BCKDHB: variants seen among roughly 807,000 people sequenced by gnomAD.
BCKDHB encodes the protein branched chain keto acid dehydrogenase E1 subunit beta.
Under a neutral mutation model 48.5 loss-of-function variants are expected in BCKDHB, and 41 were observed. That is an observed-to-expected ratio of 0.85 (90% CI 0.66 to 1.10). BCKDHB has a LOEUF of 1.10. Among genes scored for constraint, BCKDHB ranks in the 50% least tolerant of loss-of-function variants. BCKDHB has a pLI of 0.00. For synonymous variants in BCKDHB, 201 were observed against 174.8 expected, an observed-to-expected ratio of 1.15 and a Z score of -1.18; for missense variants, 496 against 494.2, an observed-to-expected ratio of 1.00 and a Z score of -0.03.
At chr6:80,153,208 C>T (rs1035304957) in intron 3 of BCKDHB, among the ~76,000 whole-genome samples, 4 of 152,080 alleles carry the variant, frequency 2.6e-5, no homozygotes, top group African/African-American at 9.7e-5. Context: ...TGGTAAACCT[C>T]AGGATTTTTG....
the BCKDHB span, among the ~76,000 whole-genome samples, chr6:80,384,492 G>A: frequency 8.5e-5 from 13 of 152,104 alleles, no homozygotes; most frequent in Non-Finnish European, 2.9e-5. Context: ...ATGAGTAGGT[G>A]GGACTACAGG....
the BCKDHB span, among the ~76,000 whole-genome samples, chr6:80,452,529 A>G: frequency 1.3e-5 from 2 of 152,226 alleles, no homozygotes; most frequent in African/African-American, 4.8e-5. Flanking sequence ...TCACTAATGT[A>G]AAAATGCATA....
intron 9 of BCKDHB, among the ~76,000 whole-genome samples, chr6:80,276,630 C>T (rs574224669): frequency 1.5e-4 from 22 of 151,454 alleles, no homozygotes; most frequent in African/African-American, 4.3e-4. Flanking sequence ...GCTCTTTCAT[C>T]GTGCAAGGAA....
the BCKDHB span, among the ~76,000 whole-genome samples, chr6:80,461,829 T>C: frequency 6.6e-6 from 1 of 152,176 alleles, no homozygotes; most frequent in East Asian, 1.9e-4. Context: ...GTTGTCCTTA[T>C]GATGTAAATG....
chr6:80,258,027 T>C (rs1365135310), intron 8 of BCKDHB, among the ~76,000 whole-genome samples: 2 of 152,082 alleles, frequency 1.3e-5, no homozygotes, highest in Admixed American at 6.6e-5. Context: ...ATGAATTGTT[T>C]ATATATAAGA....
the BCKDHB span, chr6:80,465,713 T>C: frequency 2.6e-5 from 4 of 152,206 alleles, no homozygotes; most frequent in East Asian, 7.7e-4. Context: ...TAGCAAGAGT[T>C]TGAATAAAAT....
intron 9 of BCKDHB, among the ~76,000 whole-genome samples, chr6:80,300,051 GTCT>G (rs1431410442): frequency 6.6e-6 from 1 of 150,904 alleles, no homozygotes; most frequent in Non-Finnish European, 1.5e-5. Context: ...AGAGCCACTA[GTCT>G]TTTTTTTTTT....
the BCKDHB span, among the ~76,000 whole-genome samples, chr6:80,364,853 G>T: frequency 1.3e-5 from 2 of 152,244 alleles, no homozygotes; most frequent in East Asian, 1.9e-4. Flanking sequence ...TTCAACGGAG[G>T]TTCTTTATAT....
chr6:80,202,735 C>T (rs1479341690), intron 7 of BCKDHB, among the ~76,000 whole-genome samples: 3 of 129,438 alleles, frequency 2.3e-5, no homozygotes, highest in African/African-American at 8.5e-5. Flanking sequence ...TCTCTTTCTT[C>T]CTTCCTCTCC....
rs186649842 is a variant in BCKDHB at position 80,166,420 on chromosome 6, T to C, written c.344-1258T>C. On this transcript the variant is annotated intron_variant, in intron 3 of 9. Transcript: ENST00000320393. ...CCTGTAATCCCAGCACCGTGGGAGGTCGAGGCGGGTGGATCACCTGAGGTC... is the reference window on the plus strand; with the variant it reads ...CCTGTAATCCCAGCACCGTGGGAGGCCGAGGCGGGTGGATCACCTGAGGTC... Among the ~76,000 whole-genome samples the C allele has an allele frequency of 1.7e-3, 263 of 151,912 alleles. 1 individual carries two copies. Among genetic ancestry groups the C allele is most frequent in the African/African-American group, 6.0e-3 (249 of 41,444 alleles).
chr6:80,381,187 A>G, the BCKDHB span, among the ~76,000 whole-genome samples: 3 of 151,812 alleles, frequency 2.0e-5, no homozygotes, highest in Non-Finnish European at 4.4e-5. Context: ...ATTCACTGTT[A>G]TTCTCACATT....
chr6:80,402,599 T>C, the BCKDHB span, among the ~76,000 whole-genome samples: 63 of 151,976 alleles, frequency 4.1e-4, no homozygotes, highest in African/African-American at 1.4e-3. Context: ...GTGAAGAAGC[T>C]TTTTAGATGG....
At chr6:80,370,702 T>G in the BCKDHB span, among the ~76,000 whole-genome samples, 1 of 151,920 alleles carries the variant, frequency 6.6e-6, no homozygotes, top group Non-Finnish European at 1.5e-5. Flanking sequence ...TCCAATTCAT[T>G]CTGGGTTGCT....
At chr6:80,191,558 C>A (rs1044742285) in intron 6 of BCKDHB, among the ~76,000 whole-genome samples, 15 of 152,094 alleles carry the variant, frequency 9.9e-5, no homozygotes, top group Non-Finnish European at 1.0e-4. Flanking sequence ...CCCCTTCCCC[C>A]CCTCATGTTT....
chr6:80,149,482 G>A (rs1416881906), intron 3 of BCKDHB, among the ~76,000 whole-genome samples: 2 of 151,956 alleles, frequency 1.3e-5, no homozygotes, highest in African/African-American at 4.8e-5. Flanking sequence ...TATACCCAAA[G>A]GACTATAAAT....
the BCKDHB span, among the ~76,000 whole-genome samples, chr6:80,421,497 C>T: frequency 1.5e-4 from 23 of 152,164 alleles, no homozygotes; most frequent in South Asian, 4.2e-4. Context: ...ACAATCTTGA[C>T]GGCTCAGAAA....
intron 3 of BCKDHB, among the ~76,000 whole-genome samples, chr6:80,150,753 C>T (rs1383993143): frequency 4.0e-5 from 6 of 151,868 alleles, no homozygotes; most frequent in African/African-American, 1.5e-4. Context: ...GATGGAGTTT[C>T]ACCATGTTGG....
intron 8 of BCKDHB, among the ~76,000 whole-genome samples, chr6:80,272,011 T>G (rs1262701794): frequency 1.3e-5 from 2 of 152,138 alleles, no homozygotes; most frequent in African/African-American, 4.8e-5. Context: ...GCATAATTAA[T>G]CACAGTCATA....
chr6:80,406,361 G>A, the BCKDHB span, among the ~76,000 whole-genome samples: 5 of 152,252 alleles, frequency 3.3e-5, no homozygotes, highest in South Asian at 2.1e-4. Context: ...TTGCCCTTGG[G>A]TATATACCCA....
Sources: gnomAD v4.1 joint callset for allele counts (sites outside exome capture counted in the v4.1 genomes callset) on GRCh38, gnomAD v4.1.1 for gene constraint, MANE v1.5 for transcripts, NCBI Gene and HGNC (gene_info 2026-07-23, HGNC 2026-07-21) for gene names.